The following ANKS1B variants were observed in gnomAD, a reference collection of about 807,000 sequenced individuals.
ANKS1B encodes ankyrin repeat and sterile alpha motif domain containing 1B.
ANKS1B carries 36 observed loss-of-function variants against 148.3 expected under a neutral mutation model. That is an observed-to-expected ratio of 0.24 (90% confidence interval 0.19 to 0.32). ANKS1B has a LOEUF of 0.32. Among genes scored for constraint, ANKS1B ranks in the 10% least tolerant of loss-of-function variants. ANKS1B has a pLI of 1.00. For missense variants in ANKS1B, 1,157 were observed against 1,542.6 expected (o/e 0.75, Z 4.19); for synonymous variants, 542 against 560.8 (o/e 0.97, Z 0.47).
intron 14 of ANKS1B, among the ~76,000 whole-genome samples, chr12:99,219,261 T>C (rs1347793009): frequency 6.6e-6 from 1 of 152,214 alleles, no homozygotes; most frequent in East Asian, 1.9e-4. Context: ...ATTAGGTCTC[T>C]GGCCCTTTGA....
intron 9 of ANKS1B, among the ~76,000 whole-genome samples, chr12:99,547,979 T>C (rs7302784): frequency 2.8e-4 from 42 of 152,322 alleles, no homozygotes; most frequent in African/African-American, 9.4e-4. Context: ...CTGTCTTATA[T>C]GGCAATAAAC....
Position 99,618,583 on chromosome 12 carries a change from A to C in ANKS1B, c.1272+36484T>G, listed in dbSNP as rs547933384. On this transcript the variant is annotated intron_variant, in intron 9 of 26. Transcript: ENST00000683438. ...GGCTGACAAAAATGAGTGAAGCCCCAGTATGTGAGAGAGGCAGAGAACTTC... is the reference window on the plus strand; with the variant it reads ...GGCTGACAAAAATGAGTGAAGCCCCCGTATGTGAGAGAGGCAGAGAACTTC... 2.3e-3 allele frequency among the ~76,000 whole-genome samples: 357 copies of C among 152,232 alleles called. 2 individuals carry two copies. The highest frequency in any genetic ancestry group is 7.8e-3 in the African/African-American group (323 of 41,544).
At chr12:99,566,236 T>C (rs2097392422) in intron 9 of ANKS1B, among the ~76,000 whole-genome samples, 1 of 152,204 alleles carries the variant, frequency 6.6e-6, no homozygotes, top group Admixed American at 6.5e-5. Context: ...TTGCATTCTA[T>C]TACAAGCAGT....
chr12:99,608,105 T>C (rs1172043145), intron 9 of ANKS1B, among the ~76,000 whole-genome samples: 1 of 152,076 alleles, frequency 6.6e-6, no homozygotes, highest in African/African-American at 2.4e-5. Context: ...CAACATCCCA[T>C]AGTTGGGTCA....
intron 14 of ANKS1B, among the ~76,000 whole-genome samples, chr12:99,196,269 T>C (rs1344724924): frequency 2.0e-5 from 3 of 152,198 alleles, no homozygotes; most frequent in Non-Finnish European, 2.9e-5. Context: ...GTAGTCCATT[T>C]AAAGGACTCT....
intron 14 of ANKS1B, among the ~76,000 whole-genome samples, chr12:99,161,314 A>G (rs1248674630): frequency 6.6e-6 from 1 of 152,146 alleles, no homozygotes; most frequent in African/African-American, 2.4e-5. Context: ...AGGTGAGAGG[A>G]TCACTTGAGT....
intron 17 of ANKS1B, among the ~76,000 whole-genome samples, chr12:98,849,473 A>G (rs950010167): frequency 2.0e-5 from 3 of 152,184 alleles, no homozygotes; most frequent in East Asian, 1.9e-4. Context: ...TCCAAACACA[A>G]CATTTCAAAA....
chr12:99,809,778 A>T (rs2068097049), intron 3 of ANKS1B, among the ~76,000 whole-genome samples: 1 of 152,146 alleles, frequency 6.6e-6, no homozygotes, highest in Admixed American at 6.6e-5. Context: ...GAAACCAAAG[A>T]TAACTTTCAG....
chr12:98,971,117 C>T (rs1002640756), intron 17 of ANKS1B, among the ~76,000 whole-genome samples: 1 of 152,156 alleles, frequency 6.6e-6, no homozygotes, highest in African/African-American at 2.4e-5. Flanking sequence ...GCTGGGTGAC[C>T]TTGGCCAAGT....
chr12:98,918,304 C>A (rs1358041054), intron 17 of ANKS1B, among the ~76,000 whole-genome samples: 1 of 152,146 alleles, frequency 6.6e-6, no homozygotes, highest in Non-Finnish European at 1.5e-5. Flanking sequence ...AGAAGATGAT[C>A]TAAAAGGAGT....
intron 17 of ANKS1B, among the ~76,000 whole-genome samples, chr12:98,926,122 G>T (rs1377192577): frequency 6.6e-6 from 1 of 152,096 alleles, no homozygotes; most frequent in East Asian, 1.9e-4. Context: ...TGACTTTGAG[G>T]TTCTGTGCAA....
chr12:98,779,541 AC>A (rs1461891469), intron 24 of ANKS1B, among the ~76,000 whole-genome samples: 2 of 152,146 alleles, frequency 1.3e-5, no homozygotes, highest in Non-Finnish European at 2.9e-5. Flanking sequence ...CTGAAAATAT[AC>A]TGCTATTCAA....
rs534454513 is a variant in ANKS1B at position 98,990,025 on chromosome 12, A to C, written c.2778+63132T>G. Among the ~76,000 whole-genome samples, 11 of 152,242 alleles carry C rather than the reference A, an allele frequency of 7.2e-5. No homozygotes were observed. In the South Asian group the frequency reaches 2.3e-3, roughly 32 times the overall value. ...GAAAGGAAGAAAGAAAGAAAGAAAA[A>C]GAAAGAAAAACAGAAAGAAAAAGAA... On this transcript the variant is annotated intron_variant, in intron 17 of 26. Transcript: ENST00000683438.
chr12:99,587,930 GA>G (rs2153232981), intron 9 of ANKS1B, among the ~76,000 whole-genome samples: 1 of 152,170 alleles, frequency 6.6e-6, no homozygotes, highest in East Asian at 1.9e-4. Flanking sequence ...AGAAACACAA[GA>G]AAAAAGTGTT....
intron 6 of ANKS1B, among the ~76,000 whole-genome samples, chr12:99,776,443 A>G (rs1821458863): frequency 1.3e-5 from 2 of 152,226 alleles, no homozygotes; most frequent in African/African-American, 4.8e-5. Context: ...TCATTCAGCT[A>G]ATAGGTGGCA....
intron 25 of ANKS1B, among the ~76,000 whole-genome samples, chr12:98,754,779 G>T (rs935928754): frequency 6.6e-6 from 1 of 152,226 alleles, no homozygotes; most frequent in African/African-American, 2.4e-5. Flanking sequence ...GAGAGAATGT[G>T]TTAGAAGTCC....
chr12:99,648,067 G>T, intron 9 of ANKS1B: 1 of 1,463,996 alleles, frequency 6.8e-7, no homozygotes, highest in Non-Finnish European at 9.2e-7. Flanking sequence ...TGCAGAACAC[G>T]ACTGCTGGCC....
chr12:99,887,174 G>C (rs979448025), intron 1 of ANKS1B, among the ~76,000 whole-genome samples: 1 of 152,092 alleles, frequency 6.6e-6, no homozygotes, highest in African/African-American at 2.4e-5. Flanking sequence ...ATAAACGATG[G>C]GACAGGTATT....
chr12:98,744,128 C>T lies in ANKS1B; in HGVS notation c.*1611G>A. The T allele has an allele frequency of 1.0e-6, 1 of 985,722 alleles. No homozygotes were observed. Among genetic ancestry groups the T allele is most frequent in the Non-Finnish European group, 1.2e-6 (1 of 829,848 alleles). The allele number at this position is 985,722 out of a possible 1,614,324, so 61.1% of individuals were successfully genotyped here. ...ATTAACTTTGCTCCTATACAATTGC[C>T]TCCTGGTACCATATTTTAGTGTTAT... On this transcript the variant is annotated 3_prime_UTR_variant, in exon 27 of 27. Coordinates refer to ENST00000683438, the MANE Select transcript of ANKS1B (RefSeq NM_001352186.2).
Sources: gnomAD v4.1 joint callset for allele counts (sites outside exome capture counted in the v4.1 genomes callset) on GRCh38, gnomAD v4.1.1 for gene constraint, MANE v1.5 for transcripts, NCBI Gene and HGNC (gene_info 2026-07-23, HGNC 2026-07-21) for gene names.